HMCN1: variants seen among roughly 807,000 people sequenced by gnomAD.
The protein encoded by HMCN1 is hemicentin-1.
Under a neutral mutation model 625.9 loss-of-function variants are expected in HMCN1, and 321 were observed. That is an observed-to-expected ratio of 0.51 (90% CI 0.47 to 0.56). The LOEUF (loss-of-function observed/expected upper bound fraction) is 0.56, where lower values mean the gene tolerates loss of function less well. HMCN1 is among the 20% of genes least tolerant of loss of function. HMCN1 has a pLI of 0.00. For synonymous variants in HMCN1, 2,425 were observed against 2,417.6 expected (o/e 1.00, Z -0.09); for missense variants, 6,588 against 6,887.3 (o/e 0.96, Z 1.54).
chr1:185,953,514 A>G (rs1045585516), intron 11 of HMCN1, among the ~76,000 whole-genome samples: 1 of 151,902 alleles, frequency 6.6e-6, no homozygotes, highest in African/African-American at 2.4e-5. Flanking sequence ...AAGGAATTGA[A>G]ATTAAGAGAA....
intron 6 of HMCN1, among the ~76,000 whole-genome samples, chr1:185,920,501 C>A (rs1488481564): frequency 6.6e-6 from 1 of 151,978 alleles, no homozygotes; most frequent in African/African-American, 2.4e-5. Flanking sequence ...GAATAGTAAA[C>A]CTATATTCTT....
intron 105 of HMCN1, 104 bp downstream of exon 105, chr1:186,182,391 C>G: frequency 7.5e-7 from 1 of 1,337,506 alleles, no homozygotes; most frequent in Middle Eastern, 1.8e-4. Flanking sequence ...GCTTCCCCTT[C>G]TTACCCATTC....
chr1:186,128,167 C>A lies in HMCN1; in HGVS notation c.12780C>A (p.Pro4260=), dbSNP rs1661740906. 1 of 1,613,550 alleles carries A rather than the reference C, an allele frequency of 6.2e-7. No homozygotes were observed. The highest frequency in any genetic ancestry group is 1.3e-5 in the African/African-American group (1 of 74,860). The change falls in exon 83 of 107, where the codon CCC becomes CCA. Residue 4260 remains proline, a synonymous_variant. Coordinates refer to ENST00000271588, the MANE Select transcript of HMCN1 (RefSeq NM_031935.3). ...HTVSLTVHVL[P]TFTELPGDVS... is the part of the protein sequence containing the mutation. Reference sequence around the variant, plus strand: ...TCAGCCTGACTGTGCATGTTCTCCCCACTTTTACTGAACTTCCTGGAGACG... The same window carrying A: ...TCAGCCTGACTGTGCATGTTCTCCCAACTTTTACTGAACTTCCTGGAGACG...
chr1:186,149,469 T>A (rs1004714968), intron 93 of HMCN1, among the ~76,000 whole-genome samples: 4 of 152,202 alleles, frequency 2.6e-5, no homozygotes, highest in African/African-American at 9.6e-5. Context: ...AGGGCCTTAG[T>A]CTGGATTGGG....
chr1:186,151,561 A>T (rs765522510), intron 94 of HMCN1, 45 bp from the exon 95 acceptor site: 2 of 1,567,870 alleles, frequency 1.3e-6, no homozygotes, highest in Non-Finnish European at 1.8e-6. Flanking sequence ...AATAAAATAG[A>T]CTAAAAATTT....
In HMCN1 at chr1:186,157,616, G is replaced by T. The variant is rs528720512; in HGVS notation, c.15256+3629G>T. On this transcript the variant is annotated intron_variant, in intron 97 of 106. Transcript: ENST00000271588. ...TCCCCCCACCCCAAAACAGTCCCCAGAGTGTGATGTTCCCCTTCCTGTGTC... is the reference window on the plus strand; with the variant it reads ...TCCCCCCACCCCAAAACAGTCCCCATAGTGTGATGTTCCCCTTCCTGTGTC... 1.4e-4 allele frequency among the ~76,000 whole-genome samples: 21 copies of T among 152,286 alleles called. No individual in the cohort carries two copies. The South Asian group carries it at 4.4e-3, about 32-fold the overall frequency.
chr1:185,842,088 A>T (rs1256926850), intron 1 of HMCN1, among the ~76,000 whole-genome samples: 2 of 152,190 alleles, frequency 1.3e-5, no homozygotes, highest in African/African-American at 4.8e-5. Context: ...TAGTGCTGTT[A>T]CGCTACCTTT....
At chr1:186,104,321 A>G (rs1660513361) in intron 69 of HMCN1, among the ~76,000 whole-genome samples, 1 of 152,186 alleles carries the variant, frequency 6.6e-6, no homozygotes, top group Non-Finnish European at 1.5e-5. Context: ...AGGGATTTAA[A>G]GAAATAATCC....
Position 186,178,749 on chromosome 1 carries a change from G to A in HMCN1, c.16277G>A (p.Ser5426Asn), listed in dbSNP as rs1652756439. The A allele has an allele frequency of 1.2e-6, 2 of 1,609,770 alleles. No individual in the cohort carries two copies. The highest frequency in any genetic ancestry group is 1.7e-6 in the Non-Finnish European group (2 of 1,176,172). ...RKTCPEGSEA[S>N]HDTCVDIDEC... is the part of the protein sequence containing the mutation. ...ACTTGCCCTGAAGGCTCTGAGGCAAGCCATGACACATGTGTAGGTAAATGT... is the reference window on the plus strand; with the variant it reads ...ACTTGCCCTGAAGGCTCTGAGGCAAACCATGACACATGTGTAGGTAAATGT... The change falls in exon 104 of 107, where the codon AGC becomes AAC. Residue 5426 changes from serine (S) to asparagine (N), a missense_variant. This residue lies in a region of HMCN1 where 1,954 missense variants were observed against 2,013.1 expected (regional missense o/e 0.97). Coordinates refer to ENST00000271588, the MANE Select transcript of HMCN1 (RefSeq NM_031935.3).
chr1:186,166,437 C>T, intron 99 of HMCN1, 134 bp downstream of exon 99: 2 of 1,125,782 alleles, frequency 1.8e-6, no homozygotes, highest in Non-Finnish European at 2.6e-6. Context: ...AGAAGGTCTC[C>T]ATTGGGCTGA....
Position 185,865,729 on chromosome 1 carries a change from T to G in HMCN1, c.499-12T>G, listed in dbSNP as rs374697228. 3.1e-6 allele frequency: 5 copies of G among 1,603,356 alleles called. No homozygotes were observed. The African/African-American group carries it at 5.4e-5, about 17-fold the overall frequency. ...CCCTTTACACTGTTTCTTTTTTTTT[T>G]TTTAATCATAGGTCGTATTTGTTCT... On this transcript the variant is annotated splice_polypyrimidine_tract_variant and intron_variant, in intron 3 of 106. Transcript: ENST00000271588.
intron 1 of HMCN1, among the ~76,000 whole-genome samples, chr1:185,770,589 G>A (rs1371951373): frequency 6.6e-6 from 1 of 152,134 alleles, no homozygotes; most frequent in Non-Finnish European, 1.5e-5. Flanking sequence ...TGAGAAACCT[G>A]ATCTTTTTTT....
intron 14 of HMCN1, among the ~76,000 whole-genome samples, chr1:185,968,408 A>T (rs1650572134): frequency 6.6e-6 from 1 of 151,748 alleles, no homozygotes; most frequent in Non-Finnish European, 1.5e-5. Context: ...TATGTTCATT[A>T]TGCTAAAATG....
chr1:186,053,050 C>G lies in HMCN1; in HGVS notation c.6676C>G (p.Pro2226Ala), dbSNP rs201966093. 1.2e-6 allele frequency: 2 copies of G among 1,610,012 alleles called. No homozygotes were observed. Among genetic ancestry groups the G allele is most frequent in the Admixed American group, 3.3e-5 (2 of 59,812 alleles). Reference protein sequence around the residue: ...LLCESSGIPPPNLIWKKKGSP... With the variant: ...LLCESSGIPPANLIWKKKGSP... ...GTGTGAATCAAGTGGTATTCCACCC[C>G]CAAATCTCATCTGGAAGAAGAAAGG... is the stretch of plus-strand genomic sequence containing the variant. The change falls in exon 43 of 107, where the codon CCA becomes GCA. Residue 2226 changes from proline to alanine, a missense_variant. Pro to Ala is a conservative substitution (Grantham distance 27, BLOSUM62 -1). This residue lies in a region of HMCN1 where 4,628 missense variants were observed against 4,853.1 expected (regional missense o/e 0.95). Transcript: ENST00000271588.
rs371949846 is a variant in HMCN1 at position 185,937,489 on chromosome 1, C to T, written c.1828+3665C>T. Among the ~76,000 whole-genome samples, 142 of 152,280 alleles carry T rather than the reference C, an allele frequency of 9.3e-4. 1 individual carries two copies. Among genetic ancestry groups the T allele is most frequent in the East Asian group, 7.7e-4 (4 of 5,186 alleles). Reference sequence around the variant, plus strand: ...TCTCCCATGAGGCCTCATCTCCCAACGCTGTTGCATTGGAGATTAAGTTTT... The same window carrying T: ...TCTCCCATGAGGCCTCATCTCCCAATGCTGTTGCATTGGAGATTAAGTTTT... On this transcript the variant is annotated intron_variant, in intron 11 of 106. Transcript: ENST00000271588.
intron 83 of HMCN1, among the ~76,000 whole-genome samples, chr1:186,129,491 A>G (rs990894440): frequency 6.6e-6 from 1 of 152,034 alleles, no homozygotes; most frequent in Admixed American, 6.6e-5. Context: ...TTATTACCTA[A>G]GTAGCATACG....
At chr1:186,176,696 A>G (rs1652602249) in intron 103 of HMCN1, 1 of 152,302 alleles carries the variant, frequency 6.6e-6, no homozygotes, top group African/African-American at 2.4e-5. Context: ...AAGAAGAATC[A>G]CAAAACAAAT....
At chr1:186,080,225 T>C (rs1659081807) in intron 55 of HMCN1, among the ~76,000 whole-genome samples, 1 of 152,182 alleles carries the variant, frequency 6.6e-6, no homozygotes, top group Admixed American at 6.5e-5. Context: ...CTTTGTGGCA[T>C]TGAGTATTTT....
At chr1:185,884,551 A>G (rs1231758173) in intron 4 of HMCN1, among the ~76,000 whole-genome samples, 1 of 152,014 alleles carries the variant, frequency 6.6e-6, no homozygotes, top group East Asian at 1.9e-4. Context: ...TCTCAAGGGT[A>G]ACAATCCTAT....
Sources: allele counts gnomAD v4.1 joint callset (sites outside exome capture counted in the v4.1 genomes callset), GRCh38; gene constraint gnomAD v4.1.1; regional missense constraint gnomAD v4.1.1; transcripts MANE v1.5; gene names NCBI Gene and HGNC (gene_info 2026-07-23, HGNC 2026-07-21).